The following MED15 variants were observed in gnomAD, a reference collection of about 807,000 sequenced individuals.
MED15 encodes the protein mediator of RNA polymerase II transcription subunit 15.
Under a neutral mutation model 118.7 loss-of-function variants are expected in MED15, and 41 were observed. The observed-to-expected ratio is 0.35, with a 90% confidence interval of 0.27 to 0.45. MED15 has a LOEUF of 0.45. Ranked by LOEUF, MED15 falls within the 20% of genes least tolerant of loss-of-function variation. MED15 has a pLI of 1.00. For synonymous variants in MED15, 436 were observed against 413.9 expected, an observed-to-expected ratio of 1.05 and a Z score of -0.65; for missense variants, 740 against 1,025.5, an observed-to-expected ratio of 0.72 and a Z score of 3.80.
Position 20,547,228 on chromosome 22 carries a change from T to C in MED15, c.157-4208T>C, listed in dbSNP as rs77633854. On this transcript the variant is annotated intron_variant, in intron 2 of 17. Coordinates refer to ENST00000263205, the MANE Select transcript of MED15 (RefSeq NM_001003891.3). ...CTTGAAGTTCTAATTGTCCTTAAAA[T>C]GTATCCCTTTTATTGAGAACATTTT... Among the ~76,000 whole-genome samples the C allele has an allele frequency of 4.9e-3, 753 of 152,360 alleles. 1 individual carries two copies. Among genetic ancestry groups the C allele is most frequent in the Non-Finnish European group, 8.6e-3 (588 of 68,044 alleles).
intron 8 of MED15, among the ~76,000 whole-genome samples, chr22:20,571,306 G>C (rs62238764): frequency 1.1e-3 from 164 of 152,266 alleles, no homozygotes; most frequent in Non-Finnish European, 2.1e-3. Context: ...TCCACCCCTT[G>C]TTTCAGGTGG....
At chr22:20,562,519 G>A (rs1225640592) in intron 5 of MED15, among the ~76,000 whole-genome samples, 2 of 151,978 alleles carry the variant, frequency 1.3e-5, no homozygotes, top group Non-Finnish European at 2.9e-5. Context: ...TGAGTAGCTG[G>A]GATTACAGGC....
At chr22:20,569,422 A>C (rs2056561853) in intron 8 of MED15, among the ~76,000 whole-genome samples, 2 of 152,084 alleles carry the variant, frequency 1.3e-5, no homozygotes, top group South Asian at 2.1e-4. Context: ...TTGATGTGGT[A>C]AGACTGTGGC....
intron 1 of MED15, among the ~76,000 whole-genome samples, chr22:20,521,298 T>C (rs2054445746): frequency 6.6e-6 from 1 of 151,676 alleles, no homozygotes. Flanking sequence ...GGTTTTGCCA[T>C]GTTGGCCAGG....
At chr22:20,550,164 A>G (rs879458593) in intron 2 of MED15, among the ~76,000 whole-genome samples, 1 of 152,008 alleles carries the variant, frequency 6.6e-6, no homozygotes, top group Non-Finnish European at 1.5e-5. Flanking sequence ...CCACACCTCC[A>G]TTGCCCCCAT....
chr22:20,555,254 A>G, intron 5 of MED15, 106 bp downstream of exon 5: 1 of 1,211,678 alleles, frequency 8.3e-7, no homozygotes, highest in East Asian at 2.6e-5. Context: ...GAAGCTCCAA[A>G]TCGCTCTGGT....
Position 20,587,525 on chromosome 22 carries a change from G to A in MED15, c.*821G>A. The A allele has an allele frequency of 7.0e-6, 2 of 285,008 alleles. No homozygotes were observed. The highest frequency in any genetic ancestry group is 9.1e-5 in the Admixed American group (2 of 21,876). The allele number at this position is 285,008 out of a possible 1,614,324, so 17.7% of individuals were successfully genotyped here. A position where few individuals can be genotyped will look rare whatever the true frequency, so the allele number is the denominator to read the frequency against. ...CTCCCTATGTTGCCTGCCACTCTGGGCACCGGCCAGCACCCTCTGGTGAGA... is the reference window on the plus strand; with the variant it reads ...CTCCCTATGTTGCCTGCCACTCTGGACACCGGCCAGCACCCTCTGGTGAGA... On this transcript the variant is annotated 3_prime_UTR_variant, in exon 18 of 18. Transcript: ENST00000263205.
chr22:20,517,701 T>C (rs2054302738), intron 1 of MED15, among the ~76,000 whole-genome samples: 1 of 152,174 alleles, frequency 6.6e-6, no homozygotes, highest in Admixed American at 6.5e-5. Flanking sequence ...ATCTGTCCAG[T>C]GCCAGTTTCC....
chr22:20,555,135 G>T lies in MED15; in HGVS notation c.438G>T (p.Thr146=). ...CTCACAGCATGGCTGTCGTGTCTAC[G>T]GCAACTCCACAGAGTGAGTACCACA... ...MAPHSMAVVS[T]ATPQTQLQLQ... is the part of the protein sequence containing the mutation. The change falls in exon 5 of 18, where the codon ACG becomes ACT. Residue 146 remains threonine, a synonymous_variant. Coordinates refer to ENST00000263205, the MANE Select transcript of MED15 (RefSeq NM_001003891.3). 6.2e-7 allele frequency: 1 copy of T among 1,602,038 alleles called. No individual in the cohort carries two copies.
chr22:20,580,389 G>A (rs991627497), intron 9 of MED15, among the ~76,000 whole-genome samples: 4 of 152,140 alleles, frequency 2.6e-5, no homozygotes, highest in African/African-American at 7.2e-5. Flanking sequence ...TCAGAGAAGC[G>A]CTGAGCTTTA....
intron 2 of MED15, among the ~76,000 whole-genome samples, chr22:20,541,579 A>G (rs1159272953): frequency 6.7e-6 from 1 of 150,174 alleles, no homozygotes; most frequent in East Asian, 2.0e-4. Context: ...CGCCTCCCAA[A>G]TTCCGGTGAT....
chr22:20,530,028 TC>T (rs559915942), intron 1 of MED15, among the ~76,000 whole-genome samples: 352 of 152,230 alleles, frequency 2.3e-3, no homozygotes, highest in Non-Finnish European at 3.8e-3. Flanking sequence ...CTAGTCCAAA[TC>T]TTTTTTTTAA....
intron 1 of MED15, among the ~76,000 whole-genome samples, chr22:20,513,052 G>A (rs758996579): frequency 1.4e-4 from 21 of 151,784 alleles, no homozygotes; most frequent in Non-Finnish European, 2.1e-4. Context: ...GTCACCTCTT[G>A]TATTACAGTG....
chr22:20,557,075 G>A (rs2056042220), intron 5 of MED15, among the ~76,000 whole-genome samples: 2 of 152,186 alleles, frequency 1.3e-5, no homozygotes, highest in Non-Finnish European at 2.9e-5. Flanking sequence ...GGATATCTGT[G>A]TACAGGCTTC....
chr22:20,575,589 AG>A (rs1217396249), intron 9 of MED15, among the ~76,000 whole-genome samples: 2 of 152,072 alleles, frequency 1.3e-5, no homozygotes, highest in Admixed American at 1.3e-4. Context: ...GACTAAAATT[AG>A]GCCGGGCACA....
chr22:20,521,597 C>T (rs1264503518), intron 1 of MED15, among the ~76,000 whole-genome samples: 2 of 147,368 alleles, frequency 1.4e-5, no homozygotes, highest in African/African-American at 5.0e-5. Context: ...GGGGTTTCAC[C>T]ATGTTAGCCA....
intron 8 of MED15, among the ~76,000 whole-genome samples, chr22:20,572,373 T>G (rs1317611599): frequency 6.6e-6 from 1 of 152,212 alleles, no homozygotes; most frequent in Non-Finnish European, 1.5e-5. Context: ...GGGGCCCCCA[T>G]GCAGGCAGCC....
At chr22:20,579,272 A>T (rs1601635005) in intron 9 of MED15, among the ~76,000 whole-genome samples, 1 of 152,232 alleles carries the variant, frequency 6.6e-6, no homozygotes, top group Admixed American at 6.5e-5. Context: ...GCTGCTTCTC[A>T]TCCCAGGTGC....
intron 2 of MED15, among the ~76,000 whole-genome samples, chr22:20,547,169 G>T (rs1379286680): frequency 1.3e-5 from 2 of 152,062 alleles, no homozygotes; most frequent in African/African-American, 4.8e-5. Flanking sequence ...TATTACCACT[G>T]ATAACAAAAG....
Sources: gnomAD v4.1 joint callset for allele counts (sites outside exome capture counted in the v4.1 genomes callset) on GRCh38, gnomAD v4.1.1 for gene constraint, MANE v1.5 for transcripts, NCBI Gene and HGNC (gene_info 2026-07-23, HGNC 2026-07-21) for gene names.